Variants in FAM228B observed in about 807,000 individuals in gnomAD.
FAM228B encodes protein FAM228B.
A neutral mutation model predicts 42.6 loss-of-function variants in FAM228B; 38 were observed. The observed-to-expected ratio is 0.89, with a 90% confidence interval of 0.69 to 1.17. FAM228B has a LOEUF of 1.17. FAM228B is among the 50% of genes most tolerant of loss of function. FAM228B has a pLI of 0.00. For synonymous variants in FAM228B, 109 were observed against 122.3 expected (o/e 0.89, Z 0.72); for missense variants, 344 against 367.3 (o/e 0.94, Z 0.52).
rs1664795754 is a variant in FAM228B, at chr2:24,077,380, G to T, written c.-290+411G>T. The stretch of plus-strand genomic sequence containing the variant: ...CTCAGTAATCCCCGCTGCGACGCCC[G>T]TCCGGACTCCCACCTCAACCCCGCC... On this transcript the variant is annotated intron_variant, in intron 1 of 10. Coordinates refer to the FAM228B transcript ENST00000613899. This position sits in a 1 kb window ranked among gnomAD's most constrained non-coding sequence, Gnocchi z 5.5. 2.3e-5 allele frequency: 12 copies of T among 523,794 alleles called. No individual in the cohort carries two copies. The East Asian group carries it at 3.5e-4, about 15-fold the overall frequency. The allele number at this position is 523,794 out of a possible 1,614,324, so 32.4% of individuals were successfully genotyped here. A position where few individuals can be genotyped will look rare whatever the true frequency, so the allele number is the denominator to read the frequency against.
At chr2:24,125,364 C>G (rs1195771857) in intron 2 of FAM228B, among the ~76,000 whole-genome samples, 1 of 152,122 alleles carries the variant, frequency 6.6e-6, no homozygotes, top group African/African-American at 2.4e-5. Flanking sequence ...ACCTGGGTGA[C>G]AGAATAAGAC....
Position 24,116,044 on chromosome 2 carries a change from T to G in FAM228B, c.-120-19075T>G, listed in dbSNP as rs577866438. Among the ~76,000 whole-genome samples the G allele has an allele frequency of 2.6e-5, 4 of 152,164 alleles. No homozygotes were observed. The East Asian group carries it at 5.8e-4, about 22-fold the overall frequency. ...TCTATGACCTAGACTTAAAACTGAT[T>G]ACGGCCAAGTGTGGTGGCTCATATC... On this transcript the variant is annotated intron_variant, in intron 3 of 10. Transcript: ENST00000613899.
intron 7 of FAM228B, among the ~76,000 whole-genome samples, chr2:24,148,019 G>A (rs1666938055): frequency 1.3e-5 from 2 of 150,796 alleles, no homozygotes; most frequent in Non-Finnish European, 1.5e-5. Flanking sequence ...AAATGGATAT[G>A]CCTCTTCTTC....
At position 24,168,175 on chromosome 2, in the gene FAM228B, A is replaced by T. The variant is rs560106343; in HGVS notation, c.*14+492A>T. 4 of 161,906 alleles carry T rather than the reference A, an allele frequency of 2.5e-5. No homozygotes were observed. In the East Asian group the frequency reaches 5.0e-4, roughly 20 times the overall value. 10.0% of individuals were successfully genotyped at this position (161,906 alleles called of 1,614,324 possible). A position where few individuals can be genotyped will look rare whatever the true frequency, so the allele number is the denominator to read the frequency against. Reference sequence around the variant, plus strand: ...GATGTACCGGTCTGGAGTTCAGGGGAGACTGGGGGTGGAGACAGGTTTTTG... The same window carrying T: ...GATGTACCGGTCTGGAGTTCAGGGGTGACTGGGGGTGGAGACAGGTTTTTG... On this transcript the variant is annotated intron_variant, in intron 10 of 10. Transcript: ENST00000615575.
At chr2:24,100,265 A>G (rs936802140) in intron 3 of FAM228B, among the ~76,000 whole-genome samples, 1 of 152,244 alleles carries the variant, frequency 6.6e-6, no homozygotes, top group African/African-American at 2.4e-5. Flanking sequence ...AAAATTGACA[A>G]AAGGGATCTA....
chr2:24,140,431 C>T (rs997843771), intron 5 of FAM228B, among the ~76,000 whole-genome samples: 29 of 152,086 alleles, frequency 1.9e-4, no homozygotes, highest in Admixed American at 1.7e-3. Context: ...TCCTCCTTGG[C>T]CTCCCAAAGT....
intron 3 of FAM228B, among the ~76,000 whole-genome samples, chr2:24,118,146 C>G (rs985111184): frequency 6.6e-6 from 1 of 152,240 alleles, no homozygotes; most frequent in African/African-American, 2.4e-5. Context: ...GGCTTCCTGA[C>G]AGCCAAATTG....
In FAM228B at chr2:24,124,449, T is replaced by C. The variant is rs777345681; in HGVS notation, c.88T>C (p.Cys30Arg). The change falls in exon 2 of 11, where the codon TGT (cysteine) becomes CGT (arginine). Residue 30 changes from cysteine (C) to arginine (R), a missense_variant. By Grantham distance (180) the Cys-to-Arg change is radical (BLOSUM62 -3). Coordinates refer to ENST00000615575, the MANE Select transcript of FAM228B (RefSeq NM_001145710.2). ...SKEWLEPKPL[C>R]FMEVLAKEDT... Reference sequence around the variant, plus strand: ...AGAATGGTTGGAGCCCAAGCCCCTTTGTTTTATGGAGGTATATATCAAATA... The same window carrying C: ...AGAATGGTTGGAGCCCAAGCCCCTTCGTTTTATGGAGGTATATATCAAATA... 5.8e-6 allele frequency: 9 copies of C among 1,548,782 alleles called. No homozygotes were observed. The highest frequency in any genetic ancestry group is 7.9e-6 in the Non-Finnish European group (9 of 1,145,932).
intron 2 of FAM228B, among the ~76,000 whole-genome samples, chr2:24,130,662 G>C (rs1666434150): frequency 6.6e-6 from 1 of 150,886 alleles, no homozygotes; most frequent in Admixed American, 6.6e-5. Flanking sequence ...TTTTTTTCTT[G>C]TAAACTTGTT....
intron 2 of FAM228B, among the ~76,000 whole-genome samples, chr2:24,093,170 C>T (rs1366237456): frequency 6.6e-6 from 1 of 152,120 alleles, no homozygotes; most frequent in Non-Finnish European, 1.5e-5. Context: ...TTCTGGGATA[C>T]ATGTGTTGAA....
intron 2 of FAM228B, among the ~76,000 whole-genome samples, chr2:24,086,862 C>G (rs1255182651): frequency 6.6e-6 from 1 of 151,678 alleles, no homozygotes; most frequent in African/African-American, 2.4e-5. Flanking sequence ...AGGTTTGAAC[C>G]AAATAAATAT....
At chr2:24,161,062 A>C (rs1345881383) in intron 7 of FAM228B, among the ~76,000 whole-genome samples, 1 of 152,342 alleles carries the variant, frequency 6.6e-6, no homozygotes, top group Non-Finnish European at 1.5e-5. Flanking sequence ...AATGTATACC[A>C]GTTGGAATAA....
chr2:24,089,608 CA>C (rs752347160), intron 2 of FAM228B, among the ~76,000 whole-genome samples: 2 of 152,102 alleles, frequency 1.3e-5, no homozygotes, highest in Non-Finnish European at 2.9e-5. Context: ...GCCTCTATTT[CA>C]GCTTGTCCCT....
intron 3 of FAM228B, among the ~76,000 whole-genome samples, chr2:24,115,889 A>G (rs1421006191): frequency 7.2e-6 from 1 of 138,892 alleles, no homozygotes; most frequent in Non-Finnish European, 1.5e-5. Context: ...GTCCTGGAGT[A>G]TGAATTGGGT....
intron 7 of FAM228B, among the ~76,000 whole-genome samples, chr2:24,160,708 A>G (rs1476370988): frequency 5.3e-5 from 8 of 151,748 alleles, no homozygotes; most frequent in South Asian, 4.2e-4. Context: ...ACTACATTCT[A>G]TGTTTTCTCT....
chr2:24,094,140 A>G (rs1665450501), intron 2 of FAM228B, among the ~76,000 whole-genome samples: 1 of 148,848 alleles, frequency 6.7e-6, no homozygotes, highest in African/African-American at 2.5e-5. Flanking sequence ...CTTGGATTCA[A>G]GTGATCCTCC....
chr2:24,161,506 G>A lies in FAM228B; in HGVS notation c.687G>A (p.Arg229=), dbSNP rs1667285083. Residue 229 remains arginine, a splice_region_variant and synonymous_variant, in exon 8 of 11, where the codon AGG becomes AGA. Transcript: ENST00000615575. ...TCTCACACTTGTTATCTTGTTAAAG[G>A]TTAAAGGTGAAAGTGAATTTTAATG... ...YIESEFCRRR[R]LKVKVNFNDC... is the part of the protein sequence containing the mutation. 2.7e-6 allele frequency: 4 copies of A among 1,504,196 alleles called. No individual in the cohort carries two copies. Among genetic ancestry groups the A allele is most frequent in the Non-Finnish European group, 3.6e-6 (4 of 1,105,268 alleles). The allele number at this position is 1,504,196 out of a possible 1,614,324, so 93.2% of individuals were successfully genotyped here. A position where few individuals can be genotyped will look rare whatever the true frequency, so the allele number is the denominator to read the frequency against.
upstream of FAM228B, chr2:24,122,503 G>C (rs1161649673): frequency 6.2e-7 from 1 of 1,613,968 alleles, no homozygotes; most frequent in African/African-American, 1.3e-5. Context: ...TTCCCAAGAG[G>C]GTGTCTAACA....
intron 2 of FAM228B, among the ~76,000 whole-genome samples, chr2:24,087,103 T>C (rs904267147): frequency 1.3e-5 from 2 of 152,210 alleles, no homozygotes; most frequent in Admixed American, 1.3e-4. Flanking sequence ...TAGTTGAAAG[T>C]GCCTAAGATT....
Sources: gnomAD v4.1 joint callset for allele counts (sites outside exome capture counted in the v4.1 genomes callset) on GRCh38, gnomAD v4.1.1 for gene constraint, Gnocchi (gnomAD v3.1) non-coding constraint, MANE v1.5 for transcripts, NCBI Gene and HGNC (gene_info 2026-07-23, HGNC 2026-07-21) for gene names.